Variants in SHQ1 observed in about 807,000 individuals in gnomAD.
SHQ1 encodes SHQ1, H/ACA ribonucleoprotein assembly factor.
In SHQ1, 49 loss-of-function variants were observed where a neutral mutation model predicts 53.8. That is an observed-to-expected ratio of 0.91 (90% confidence interval 0.72 to 1.16). The LOEUF is 1.16. Ranked by LOEUF, SHQ1 falls within the 50% of genes most tolerant of loss-of-function variation. The pLI is 0.00. For synonymous variants in SHQ1, 243 were observed against 251.0 expected (o/e 0.97, Z 0.30); for missense variants, 738 against 683.1 (o/e 1.08, Z -0.90).
downstream of SHQ1, among the ~76,000 whole-genome samples, chr3:72,746,250 T>G (rs1454248690): frequency 6.6e-6 from 1 of 152,180 alleles, no homozygotes; most frequent in African/African-American, 2.4e-5. Flanking sequence ...CTGCAAAGTC[T>G]TGGTTTTTCC....
At chr3:72,772,077 T>A (rs560299056) in intron 10 of SHQ1, among the ~76,000 whole-genome samples, 1 of 152,220 alleles carries the variant, frequency 6.6e-6, no homozygotes, top group Non-Finnish European at 1.5e-5. Context: ...TGTGACTGGC[T>A]GCATTACAGA....
chr3:72,751,535 T>TATATACACACAC (rs1444853961), intron 10 of SHQ1, among the ~76,000 whole-genome samples: 1 of 139,926 alleles, frequency 7.1e-6, no homozygotes. Context: ...TATATACATA[T>TATATACACACAC]ACATACACTA....
intron 9 of SHQ1, among the ~76,000 whole-genome samples, chr3:72,801,397 CT>C (rs1706782893): frequency 6.6e-6 from 1 of 151,914 alleles, no homozygotes; most frequent in South Asian, 2.1e-4. Flanking sequence ...ACAGATACCA[CT>C]TAATAGAGTT....
At chr3:72,765,859 A>G (rs1351679693) in intron 10 of SHQ1, among the ~76,000 whole-genome samples, 2 of 152,082 alleles carry the variant, frequency 1.3e-5, no homozygotes, top group South Asian at 4.1e-4. Context: ...GGCCAAATAA[A>G]TACTTGAAAG....
intron 10 of SHQ1, among the ~76,000 whole-genome samples, chr3:72,782,252 TC>T (rs1706094074): frequency 6.6e-6 from 1 of 152,210 alleles, no homozygotes; most frequent in Non-Finnish European, 1.5e-5. Flanking sequence ...TTTGCTTATA[TC>T]CAACCATTAA....
chr3:72,750,219 T>C lies in SHQ1; in HGVS notation c.*65A>G. 1 of 1,314,662 alleles carries C rather than the reference T, an allele frequency of 7.6e-7. No individual in the cohort carries two copies. The allele number at this position is 1,314,662 out of a possible 1,614,324, so 81.4% of individuals were successfully genotyped here. ...AAAATTACAAAGTGAAAATGAAGAA[T>C]TCTCATTCGGTAAATGAAACCCAAT... On this transcript the variant is annotated 3_prime_UTR_variant, in exon 11 of 11. Coordinates refer to ENST00000325599, the MANE Select transcript of SHQ1 (RefSeq NM_018130.3).
chr3:72,806,194 C>T (rs187629492), intron 9 of SHQ1, among the ~76,000 whole-genome samples: 1 of 152,288 alleles, frequency 6.6e-6, no homozygotes, highest in African/African-American at 2.4e-5. Flanking sequence ...AAAAAGAATT[C>T]ACTTTGCCTC....
intron 4 of SHQ1, 130 bp downstream of exon 4, chr3:72,840,915 C>G: frequency 9.3e-7 from 1 of 1,072,426 alleles, no homozygotes; most frequent in South Asian, 1.7e-5. Context: ...TTTAGCTGTG[C>G]TAAGTGCTTT....
chr3:72,839,807 C>T (rs1223280195), intron 4 of SHQ1, among the ~76,000 whole-genome samples: 2 of 152,106 alleles, frequency 1.3e-5, no homozygotes, highest in Non-Finnish European at 2.9e-5. Flanking sequence ...GTTGCCCAGG[C>T]TGGAGTGCAG....
chr3:72,732,442 A>G, the SHQ1 span, among the ~76,000 whole-genome samples: 25 of 103,674 alleles, frequency 2.4e-4, 1 homozygote, highest in African/African-American at 7.6e-4. Flanking sequence ...CTCTCTCTTT[A>G]GCTGAATTGG....
intron 9 of SHQ1, among the ~76,000 whole-genome samples, chr3:72,800,613 A>C (rs1706758529): frequency 6.6e-6 from 1 of 152,254 alleles, no homozygotes; most frequent in South Asian, 2.1e-4. Context: ...TCCTTGGCCT[A>C]GAACAATGTC....
At position 72,823,974 on chromosome 3, in the gene SHQ1, A is replaced by G. The variant is rs189423333; in HGVS notation, c.727+450T>C. Among the ~76,000 whole-genome samples, 843 of 152,294 alleles carry G rather than the reference A, an allele frequency of 5.5e-3. 8 individuals carry two copies. Among genetic ancestry groups the G allele is most frequent in the African/African-American group, 0.018 (751 of 41,558 alleles). On this transcript the variant is annotated intron_variant, in intron 6 of 10. Transcript: ENST00000325599. ...TCTAATGTATAGTCTTAATATATCA[A>G]TGCTACACTGCACTTAGAGAAGCTG...
rs776428293 is a variant in SHQ1, at chr3:72,844,438, C to T, written c.144-15G>A. On this transcript the variant is annotated splice_polypyrimidine_tract_variant and intron_variant, in intron 1 of 10. Transcript: ENST00000325599. ...GAAGGGTTAATCTGCAGATTTAACA[C>T]AGGTCTCATGAAGTCCTTAAATTAT... 4.3e-6 allele frequency: 7 copies of T among 1,610,388 alleles called. No homozygotes were observed. Among genetic ancestry groups the T allele is most frequent in the East Asian group, 4.5e-5 (2 of 44,788 alleles).
intron 4 of SHQ1, among the ~76,000 whole-genome samples, chr3:72,837,170 CA>C (rs1188196603): frequency 4.6e-5 from 7 of 152,110 alleles, no homozygotes; most frequent in Non-Finnish European, 1.0e-4. Context: ...GGCAGTTTTC[CA>C]AAGGCACCCT....
At chr3:72,816,949 A>G (rs755436248) in intron 7 of SHQ1, among the ~76,000 whole-genome samples, 6 of 152,204 alleles carry the variant, frequency 3.9e-5, no homozygotes, top group Non-Finnish European at 8.8e-5. Flanking sequence ...GAGAGCTCAG[A>G]GTAGCCTTCC....
chr3:72,803,391 C>T (rs1174628373), intron 9 of SHQ1, among the ~76,000 whole-genome samples: 1 of 152,140 alleles, frequency 6.6e-6, no homozygotes, highest in East Asian at 1.9e-4. Context: ...ATTCATTTAC[C>T]TGCTTGGCGA....
chr3:72,800,458 GC>G (rs1447032390), intron 9 of SHQ1, among the ~76,000 whole-genome samples: 126 of 152,266 alleles, frequency 8.3e-4, no homozygotes, highest in African/African-American at 3.0e-3. Flanking sequence ...GAAGCAGTTG[GC>G]CAAGATCACA....
intron 9 of SHQ1, among the ~76,000 whole-genome samples, chr3:72,802,872 T>C (rs749664278): frequency 2.6e-5 from 4 of 152,170 alleles, no homozygotes; most frequent in African/African-American, 7.2e-5. Context: ...CAATACAAAG[T>C]AGTCAAAAGA....
chr3:72,801,163 C>T (rs1200898755), intron 9 of SHQ1, among the ~76,000 whole-genome samples: 1 of 151,866 alleles, frequency 6.6e-6, no homozygotes, highest in Non-Finnish European at 1.5e-5. Context: ...TCTCTGTCTA[C>T]ACAGTAAGGA....
Sources: gnomAD v4.1 joint callset for allele counts (sites outside exome capture counted in the v4.1 genomes callset) on GRCh38, gnomAD v4.1.1 for gene constraint, MANE v1.5 for transcripts, NCBI Gene and HGNC (gene_info 2026-07-23, HGNC 2026-07-21) for gene names.